HHAT: variants seen among roughly 807,000 people sequenced by gnomAD.
HHAT encodes the protein hedgehog acyltransferase.
In HHAT, 47 loss-of-function variants were observed where a neutral mutation model predicts 70.8. The ratio of observed to expected loss-of-function variants is 0.66; its 90% confidence interval spans 0.53 to 0.85. HHAT has a LOEUF of 0.85. Among genes scored for constraint, HHAT ranks in the 40% least tolerant of loss-of-function variants. HHAT has a pLI of 0.00. For synonymous variants in HHAT, 228 were observed against 247.6 expected (o/e 0.92, Z 0.74); for missense variants, 609 against 604.8 (o/e 1.01, Z -0.07).
At chr1:210,501,057 C>T (rs2094743862) in intron 8 of HHAT, among the ~76,000 whole-genome samples, 1 of 152,218 alleles carries the variant, frequency 6.6e-6, no homozygotes, top group African/African-American at 2.4e-5. Flanking sequence ...CTCACAGCAC[C>T]TCATGCTTAT....
chr1:210,388,220 C>A (rs964865423), intron 4 of HHAT, among the ~76,000 whole-genome samples: 2 of 152,104 alleles, frequency 1.3e-5, no homozygotes, highest in East Asian at 3.8e-4. Flanking sequence ...GCTATAGATT[C>A]CTGATGGAGG....
At chr1:210,617,676 C>G (rs555684980) in intron 10 of HHAT, among the ~76,000 whole-genome samples, 1 of 152,340 alleles carries the variant, frequency 6.6e-6, no homozygotes, top group East Asian at 1.9e-4. Context: ...ACTTTGGCCT[C>G]TGCAGTTTTT....
rs67506355 is a variant in HHAT at position 210,498,762 on chromosome 1, GTT to G, written c.1008-14381_1008-14380del. 9.5e-3 allele frequency among the ~76,000 whole-genome samples: 1,358 copies of G among 143,696 alleles called. 22 individuals are homozygous for G. The highest frequency in any genetic ancestry group is 0.031 in the African/African-American group (1,211 of 38,776). The allele number at this position is 143,696 out of a possible 152,430, so 94.3% of individuals were successfully genotyped here. A position where few individuals can be genotyped will look rare whatever the true frequency, so the allele number is the denominator to read the frequency against. ...GTATTGCTTCCTTGCCTTGCAGTCT[GTT>G]TTTTTTTTTCTTTTTTTTTTTTTTT... is the stretch of plus-strand genomic sequence containing the variant. On this transcript the variant is annotated intron_variant, in intron 8 of 11. Transcript: ENST00000261458.
In HHAT at chr1:210,328,998, G is replaced by A; in HGVS notation, c.-150G>A. 2 of 1,373,342 alleles carry A rather than the reference G, an allele frequency of 1.5e-6. No individual in the cohort carries two copies. Among genetic ancestry groups the A allele is most frequent in the Non-Finnish European group, 1.9e-6 (2 of 1,061,828 alleles). The allele number at this position is 1,373,342 out of a possible 1,614,324, so 85.1% of individuals were successfully genotyped here. On this transcript the variant is annotated 5_prime_UTR_variant, in exon 1 of 12. Transcript: ENST00000261458. ...AGAGGGTGGCGTCCCGGGGAAGCCCGCAGCCGCCGCCGATGTCGCTGGGAC... is the reference window on the plus strand; with the variant it reads ...AGAGGGTGGCGTCCCGGGGAAGCCCACAGCCGCCGCCGATGTCGCTGGGAC...
intron 11 of HHAT, among the ~76,000 whole-genome samples, chr1:210,645,494 G>A (rs1306052034): frequency 1.3e-5 from 2 of 152,160 alleles, no homozygotes; most frequent in Non-Finnish European, 1.5e-5. Flanking sequence ...TAGCCAGGAA[G>A]GTATAATTTT....
At chr1:210,473,032 A>C (rs776177031) in intron 8 of HHAT, among the ~76,000 whole-genome samples, 2 of 152,196 alleles carry the variant, frequency 1.3e-5, no homozygotes, top group Non-Finnish European at 2.9e-5. Flanking sequence ...GACCTTTAAA[A>C]GGTGCTCAAC....
intron 3 of HHAT, among the ~76,000 whole-genome samples, chr1:210,382,703 A>G (rs1270815539): frequency 2.0e-5 from 3 of 152,166 alleles, no homozygotes; most frequent in Admixed American, 6.5e-5. Context: ...TTCACTCTGG[A>G]GCTGACATTT....
chr1:210,330,516 C>T (rs1300300541), intron 1 of HHAT, among the ~76,000 whole-genome samples: 1 of 152,146 alleles, frequency 6.6e-6, no homozygotes, highest in African/African-American at 2.4e-5. Context: ...TTTACTTTGC[C>T]CCCTCCTTGG....
intron 6 of HHAT, among the ~76,000 whole-genome samples, chr1:210,415,018 T>C (rs141760608): frequency 1.7e-4 from 26 of 150,340 alleles, no homozygotes; most frequent in African/African-American, 6.1e-4. Flanking sequence ...AACTCTGTCT[T>C]AAAAAAAAAA....
At position 210,516,303 on chromosome 1, in the gene HHAT, A is replaced by G. The variant is rs116178908; in HGVS notation, c.1043+3115A>G. Among the ~76,000 whole-genome samples the G allele has an allele frequency of 4.1e-3, 623 of 152,184 alleles. 7 individuals are homozygous for G. Among genetic ancestry groups the G allele is most frequent in the African/African-American group, 0.014 (592 of 41,512 alleles). On this transcript the variant is annotated intron_variant, in intron 9 of 11. Transcript: ENST00000261458. ...GAAAGAAAGACAGGGCAGCTGGTGG[A>G]GAGGGCGGGTGGAGTGGATATTTTT... is the stretch of plus-strand genomic sequence containing the variant.
chr1:210,376,956 C>T (rs575193768), intron 3 of HHAT, among the ~76,000 whole-genome samples: 26 of 152,342 alleles, frequency 1.7e-4, no homozygotes, highest in African/African-American at 5.5e-4. Flanking sequence ...GGGCCTCCAA[C>T]ATTTTGGGAC....
intron 6 of HHAT, among the ~76,000 whole-genome samples, chr1:210,405,298 C>T (rs1349093022): frequency 6.6e-6 from 1 of 151,928 alleles, no homozygotes. Flanking sequence ...CTCTGTTGTT[C>T]CCCCCTACTT....
At chr1:210,451,087 CAAAA>C (rs36045825) in intron 7 of HHAT, among the ~76,000 whole-genome samples, 5 of 91,674 alleles carry the variant, frequency 5.5e-5, no homozygotes, top group Non-Finnish European at 9.0e-5. Context: ...ACTCCATCTC[CAAAA>C]AAAAAAAAAA....
At chr1:210,427,205 G>T (rs1005209727) in intron 7 of HHAT, among the ~76,000 whole-genome samples, 1 of 151,904 alleles carries the variant, frequency 6.6e-6, no homozygotes, top group Non-Finnish European at 1.5e-5. Flanking sequence ...GTGTTCATTT[G>T]AATCTTCTCT....
chr1:210,541,052 T>G (rs12125970), intron 9 of HHAT, among the ~76,000 whole-genome samples: 38,600 of 152,072 alleles, frequency 0.25, 5,236 homozygotes, highest in Middle Eastern at 0.35. Flanking sequence ...TGTTGCCCAG[T>G]CTGGTCTTGA....
At chr1:210,452,937 G>T (rs542108694) in intron 7 of HHAT, among the ~76,000 whole-genome samples, 50 of 152,298 alleles carry the variant, frequency 3.3e-4, no homozygotes, top group South Asian at 6.2e-4. Context: ...CTTTTTGAAA[G>T]ACTTAATTGT....
intron 1 of HHAT, among the ~76,000 whole-genome samples, chr1:210,347,357 G>T (rs1349287438): frequency 6.6e-6 from 1 of 152,166 alleles, no homozygotes; most frequent in Non-Finnish European, 1.5e-5. Context: ...TCACCAGGCT[G>T]TTGTGAAAAC....
intron 8 of HHAT, among the ~76,000 whole-genome samples, chr1:210,510,960 G>C (rs1395678656): frequency 2.0e-5 from 3 of 152,096 alleles, no homozygotes; most frequent in African/African-American, 7.2e-5. Flanking sequence ...TACAAGCTTT[G>C]GATGAGTGAA....
intron 2 of HHAT, among the ~76,000 whole-genome samples, chr1:210,361,381 G>T (rs144666757): frequency 6.6e-6 from 1 of 152,308 alleles, no homozygotes; most frequent in African/African-American, 2.4e-5. Flanking sequence ...GAGGACCAGT[G>T]CCCTACTGCA....
Sources: gnomAD v4.1 joint callset for allele counts (sites outside exome capture counted in the v4.1 genomes callset) on GRCh38, gnomAD v4.1.1 for gene constraint, MANE v1.5 for transcripts, NCBI Gene and HGNC (gene_info 2026-07-23, HGNC 2026-07-21) for gene names.